Variants in SLCO2B1 observed in about 807,000 individuals in gnomAD.
The protein encoded by SLCO2B1 is OATP-RP2.
In SLCO2B1, 41 loss-of-function variants were observed where a neutral mutation model predicts 67.3. The ratio of observed to expected loss-of-function variants is 0.61; its 90% CI spans 0.47 to 0.79. SLCO2B1 has a LOEUF of 0.79. Among genes scored for constraint, SLCO2B1 ranks in the 30% least tolerant of loss-of-function variants. The probability of loss-of-function intolerance (pLI) is 0.00; values close to 1 mark genes in which losing one functional copy is unlikely to be tolerated. For synonymous variants in SLCO2B1, 379 were observed against 381.4 expected (o/e 0.99, Z 0.07); for missense variants, 837 against 920.1 (o/e 0.91, Z 1.17).
chr11:75,155,393 T>C (rs182601006), intron 1 of SLCO2B1, among the ~76,000 whole-genome samples: 203 of 152,230 alleles, frequency 1.3e-3, no homozygotes, highest in African/African-American at 4.6e-3. Context: ...ACCACCGCAG[T>C]CCCCACCCAC....
At chr11:75,155,618 C>T (rs901556579) in intron 1 of SLCO2B1, among the ~76,000 whole-genome samples, 10 of 152,120 alleles carry the variant, frequency 6.6e-5, no homozygotes, top group Admixed American at 2.6e-4. Flanking sequence ...CCACCATGCC[C>T]GGCTAATTTT....
intron 7 of SLCO2B1, among the ~76,000 whole-genome samples, chr11:75,186,327 G>A (rs1297058211): frequency 6.6e-6 from 1 of 151,658 alleles, no homozygotes; most frequent in Non-Finnish European, 1.5e-5. Flanking sequence ...TCCTGCCTCA[G>A]CCCCCCTAGT....
intron 7 of SLCO2B1, among the ~76,000 whole-genome samples, chr11:75,182,947 C>T (rs929550508): frequency 6.6e-6 from 1 of 152,154 alleles, no homozygotes; most frequent in African/African-American, 2.4e-5. Context: ...GCAGCCCTCA[C>T]TCCAGCACTC....
At chr11:75,179,404 G>A (rs1950068144) in intron 7 of SLCO2B1, among the ~76,000 whole-genome samples, 4 of 151,434 alleles carry the variant, frequency 2.6e-5, no homozygotes, top group African/African-American at 9.7e-5. Context: ...GCTAATTTTT[G>A]TATTTTTAGT....
In SLCO2B1 at chr11:75,189,051, TC is replaced by T. The variant is rs1944979810; in HGVS notation, c.1075+815del. On this transcript the variant is annotated intron_variant, in intron 8 of 13. Coordinates refer to ENST00000289575, the MANE Select transcript of SLCO2B1 (RefSeq NM_007256.5). ...CTGGGCTTTTGTCCCTGATCCCTGC[TC>T]CTTTCTGGGCCTCCGTTTCCCCATC... Among the ~76,000 whole-genome samples, 4 of 152,358 alleles carry T rather than the reference TC, an allele frequency of 2.6e-5. No homozygotes were observed. The South Asian group carries it at 8.3e-4, about 32-fold the overall frequency.
At chr11:75,195,011 C>T (rs904494955) in intron 9 of SLCO2B1, among the ~76,000 whole-genome samples, 1 of 152,212 alleles carries the variant, frequency 6.6e-6, no homozygotes. Context: ...AACCGACGGT[C>T]TCCCTTCGCT....
intron 3 of SLCO2B1, among the ~76,000 whole-genome samples, chr11:75,165,233 A>T (rs1346021200): frequency 6.6e-6 from 1 of 152,022 alleles, no homozygotes; most frequent in African/African-American, 2.4e-5. Flanking sequence ...GGAGTTTGAG[A>T]CCTGCCTGGC....
chr11:75,170,553 A>G (rs566544591), intron 6 of SLCO2B1, among the ~76,000 whole-genome samples: 22 of 152,282 alleles, frequency 1.4e-4, no homozygotes, highest in African/African-American at 5.3e-4. Context: ...GCCTCCTGCC[A>G]TTCTCACCTG....
intron 7 of SLCO2B1, among the ~76,000 whole-genome samples, chr11:75,181,248 T>C (rs927336692): frequency 1.3e-5 from 2 of 151,416 alleles, no homozygotes; most frequent in African/African-American, 2.4e-5. Flanking sequence ...TGGGTGCCTA[T>C]AATCCCAGCT....
At chr11:75,201,991 T>C (rs1945189942) in intron 11 of SLCO2B1, 1 of 152,184 alleles carries the variant, frequency 6.6e-6, no homozygotes, top group African/African-American at 2.4e-5. Flanking sequence ...TAGGGGCTGC[T>C]CACCATCAAT....
intron 10 of SLCO2B1, 25 bp downstream of exon 10, chr11:75,196,704 C>T (rs2140341524): frequency 6.2e-7 from 1 of 1,605,870 alleles, no homozygotes; most frequent in African/African-American, 1.3e-5. Flanking sequence ...TCGTGGCAAC[C>T]TCTGCCCCTC....
At chr11:75,190,087 G>A (rs532646020) in intron 8 of SLCO2B1, among the ~76,000 whole-genome samples, 53 of 152,280 alleles carry the variant, frequency 3.5e-4, no homozygotes, top group Non-Finnish European at 5.6e-4. Flanking sequence ...CGCAGCGGCC[G>A]GGACTCCCTA....
At chr11:75,180,709 C>A (rs1950082176) in intron 7 of SLCO2B1, among the ~76,000 whole-genome samples, 1 of 152,204 alleles carries the variant, frequency 6.6e-6, no homozygotes, top group South Asian at 2.1e-4. Context: ...ATTAGGCTAA[C>A]ATTTATTACT....
Position 75,204,616 on chromosome 11 carries a change from C to A in SLCO2B1, c.*36C>A. 2 of 1,566,630 alleles carry A rather than the reference C, an allele frequency of 1.3e-6. No individual in the cohort carries two copies. Among genetic ancestry groups the A allele is most frequent in the Non-Finnish European group, 1.7e-6 (2 of 1,156,072 alleles). Reference sequence around the variant, plus strand: ...GGCCCCACCTGGCCAAGAGTAGCAGCCACAGCAGTACCTCCTCTGAGTCCT... The same window carrying A: ...GGCCCCACCTGGCCAAGAGTAGCAGACACAGCAGTACCTCCTCTGAGTCCT... On this transcript the variant is annotated 3_prime_UTR_variant, in exon 14 of 14. Coordinates refer to ENST00000289575, the MANE Select transcript of SLCO2B1 (RefSeq NM_007256.5).
At chr11:75,154,069 G>T (rs893687576) in intron 1 of SLCO2B1, among the ~76,000 whole-genome samples, 1 of 151,598 alleles carries the variant, frequency 6.6e-6, no homozygotes, top group African/African-American at 2.4e-5. Flanking sequence ...GGGACTACAG[G>T]CACTCACCAC....
chr11:75,174,999 G>C (rs1267958020), intron 7 of SLCO2B1, among the ~76,000 whole-genome samples: 7 of 152,168 alleles, frequency 4.6e-5, no homozygotes, highest in Non-Finnish European at 7.3e-5. Flanking sequence ...ACGAGTCCTT[G>C]AGTCGGAGCT....
intron 7 of SLCO2B1, among the ~76,000 whole-genome samples, chr11:75,184,375 A>G (rs983102725): frequency 6.6e-6 from 1 of 152,242 alleles, no homozygotes; most frequent in Admixed American, 6.5e-5. Flanking sequence ...CATGTATAAA[A>G]TAGACATTCT....
intron 10 of SLCO2B1, 156 bp from the exon 11 acceptor site, chr11:75,200,068 G>C: frequency 1.4e-6 from 1 of 690,762 alleles, no homozygotes; most frequent in Non-Finnish European, 2.3e-6. Context: ...AGCCGTCTTT[G>C]CTCAGCCAAC....
intron 7 of SLCO2B1, among the ~76,000 whole-genome samples, chr11:75,187,798 C>A (rs1944958574): frequency 6.6e-6 from 1 of 151,996 alleles, no homozygotes; most frequent in Non-Finnish European, 1.5e-5. Context: ...GATATTTAAG[C>A]TGAAAGGAAT....
Sources: allele counts gnomAD v4.1 joint callset (sites outside exome capture counted in the v4.1 genomes callset), GRCh38; gene constraint gnomAD v4.1.1; transcripts MANE v1.5; gene names NCBI Gene and HGNC (gene_info 2026-07-23, HGNC 2026-07-21).